Variants in PLA2R1 observed in about 807,000 individuals in gnomAD.
PLA2R1 encodes the protein phospholipase A2 receptor 1.
Under a neutral mutation model 195.9 loss-of-function variants are expected in PLA2R1, and 158 were observed. That is an observed-to-expected ratio of 0.81 (90% CI 0.71 to 0.92). The LOEUF (loss-of-function observed/expected upper bound fraction) is 0.92. Among genes scored for constraint, PLA2R1 ranks in the 40% least tolerant of loss-of-function variants. The pLI, the probability that PLA2R1 is intolerant of heterozygous loss-of-function variation, is 0.00. For missense variants in PLA2R1, 1,626 were observed against 1,764.6 expected, an observed-to-expected ratio of 0.92 and a Z score of 1.41; for synonymous variants, 586 against 598.2, an observed-to-expected ratio of 0.98 and a Z score of 0.30.
At chr2:159,951,666 A>C in intron 23 of PLA2R1, 88 bp from the exon 24 acceptor site, 4 of 723,254 alleles carry the variant, frequency 5.5e-6, no homozygotes. Flanking sequence ...TGTCACTATG[A>C]TCCATGTTGA....
intron 20 of PLA2R1, among the ~76,000 whole-genome samples, chr2:159,957,150 G>A (rs1688145010): frequency 6.6e-6 from 1 of 152,086 alleles, no homozygotes; most frequent in Non-Finnish European, 1.5e-5. Flanking sequence ...CTATTGGGAA[G>A]AGCCAGAGAA....
At chr2:159,985,671 T>C (rs1435670614) in intron 12 of PLA2R1, among the ~76,000 whole-genome samples, 1 of 152,218 alleles carries the variant, frequency 6.6e-6, no homozygotes, top group Non-Finnish European at 1.5e-5. Context: ...TTAGTAATAT[T>C]GTATCATTCA....
At chr2:160,036,316 G>T (rs983554529) in intron 3 of PLA2R1, among the ~76,000 whole-genome samples, 2 of 152,168 alleles carry the variant, frequency 1.3e-5, no homozygotes, top group East Asian at 3.8e-4. Context: ...CAGAAACATG[G>T]AGTCTGAATT....
At chr2:160,020,323 C>G in intron 7 of PLA2R1, 60 bp from the exon 8 acceptor site, 1 of 1,086,280 alleles carries the variant, frequency 9.2e-7, no homozygotes. Flanking sequence ...GAGATAACAC[C>G]CTGGAGTTAT....
chr2:159,943,676 C>T (rs1411745997), intron 28 of PLA2R1, among the ~76,000 whole-genome samples: 2 of 152,180 alleles, frequency 1.3e-5, no homozygotes, highest in East Asian at 3.8e-4. Context: ...AAGGATGAAA[C>T]AGGTGTCATC....
chr2:159,944,805 C>T, intron 28 of PLA2R1, 101 bp downstream of exon 28: 3 of 820,502 alleles, frequency 3.7e-6, no homozygotes, highest in Non-Finnish European at 4.0e-6. Flanking sequence ...TATCTGAATA[C>T]TCTCTCAACT....
chr2:160,007,533 C>T (rs936657896), intron 10 of PLA2R1, among the ~76,000 whole-genome samples: 1 of 152,362 alleles, frequency 6.6e-6, no homozygotes, highest in Admixed American at 6.5e-5. Context: ...CACCGACAGG[C>T]ACTGGCAGAT....
chr2:159,945,272 T>C (rs1396026817), intron 27 of PLA2R1, among the ~76,000 whole-genome samples, 190 bp from the exon 28 acceptor site: 1 of 152,184 alleles, frequency 6.6e-6, no homozygotes, highest in Non-Finnish European at 1.5e-5. Context: ...TATGTATACA[T>C]GTGACATGCT....
At chr2:159,993,864 G>C (rs1201540042) in intron 11 of PLA2R1, among the ~76,000 whole-genome samples, 1 of 152,070 alleles carries the variant, frequency 6.6e-6, no homozygotes, top group Non-Finnish European at 1.5e-5. Flanking sequence ...ACAGATGAAG[G>C]ATGCTAATGC....
chr2:159,986,992 T>C (rs1411122200), intron 12 of PLA2R1, among the ~76,000 whole-genome samples, 164 bp downstream of exon 12: 3 of 152,086 alleles, frequency 2.0e-5, no homozygotes, highest in South Asian at 2.1e-4. Flanking sequence ...TGGAATATGA[T>C]TGAAAGGATA....
At chr2:159,966,378 GGGTTCAGA>G (rs1490978550) in intron 20 of PLA2R1, among the ~76,000 whole-genome samples, 1 of 152,152 alleles carries the variant, frequency 6.6e-6, no homozygotes, top group Non-Finnish European at 1.5e-5. Flanking sequence ...AGTTGCCAAG[GGGTTCAGA>G]GTAGGAAGAA....
intron 1 of PLA2R1, among the ~76,000 whole-genome samples, chr2:160,050,840 A>C (rs946628333): frequency 6.6e-6 from 1 of 152,160 alleles, no homozygotes; most frequent in East Asian, 1.9e-4. Context: ...TTACAGTTTG[A>C]TCTGTCTGTG....
chr2:159,979,730 C>T (rs1271174721), intron 14 of PLA2R1, 100 bp downstream of exon 14: 2 of 634,438 alleles, frequency 3.2e-6, no homozygotes, highest in Non-Finnish European at 5.7e-6. Context: ...GTCATGGGAG[C>T]TCTGGCCATC....
rs139369442 is a variant in PLA2R1, at chr2:160,036,655, G to T, written c.668-3523C>A. Among the ~76,000 whole-genome samples the T allele has an allele frequency of 4.6e-3, 700 of 152,332 alleles. 3 individuals carry two copies. The highest frequency in any genetic ancestry group is 0.016 in the African/African-American group (655 of 41,568). On this transcript the variant is annotated intron_variant, in intron 3 of 29. Coordinates refer to ENST00000283243, the MANE Select transcript of PLA2R1 (RefSeq NM_007366.5). Reference sequence around the variant, plus strand: ...AAGGTCCTCTTCAGGTGCCTCTGCTGAGGCTGGGATGGAGTGGGAAGGAGG... The same window carrying T: ...AAGGTCCTCTTCAGGTGCCTCTGCTTAGGCTGGGATGGAGTGGGAAGGAGG...
Position 159,935,155 on chromosome 2 carries a change from T to C in PLA2R1, c.*6623A>G, listed in dbSNP as rs572727340. ...CATACCAGGGGGTACATGATGCTGA[T>C]GTGGCTTATTACTGCTTCTGTTAAC... On this transcript the variant is annotated 3_prime_UTR_variant, in exon 30 of 30. Transcript: ENST00000283243. 2.0e-5 allele frequency: 3 copies of C among 152,364 alleles called. No homozygotes were observed. In the South Asian group the frequency reaches 6.2e-4, roughly 32 times the overall value. The allele number at this position is 152,364 out of a possible 1,614,324, so 9.4% of individuals were successfully genotyped here.
In PLA2R1 at chr2:160,025,588, C is replaced by CAAA. The variant is rs56365741; in HGVS notation, c.1099+2627_1099+2629dup. Among the ~76,000 whole-genome samples the CAAA allele has an allele frequency of 7.5e-3, 395 of 52,840 alleles. 10 individuals are homozygous for CAAA. Among genetic ancestry groups the CAAA allele is most frequent in the African/African-American group, 0.014 (163 of 11,416 alleles). 34.7% of individuals were successfully genotyped at this position (52,840 alleles called of 152,430 possible). ...TGTAAGCCACATGGTAACCATAAAGCAAAAAAAAAAAAAAAAAAAAAACTA... is the reference window on the plus strand; with the variant it reads ...TGTAAGCCACATGGTAACCATAAAGCAAAAAAAAAAAAAAAAAAAAAAAAACTA... On this transcript the variant is annotated intron_variant, in intron 6 of 29. Coordinates refer to ENST00000283243, the MANE Select transcript of PLA2R1 (RefSeq NM_007366.5).
At chr2:159,942,052 A>G in intron 29 of PLA2R1, 60 bp from the exon 30 acceptor site, 1 of 1,552,760 alleles carries the variant, frequency 6.4e-7, no homozygotes, top group South Asian at 1.1e-5. Context: ...AGTAATATAG[A>G]TACTGTCATA....
chr2:159,998,899 A>G (rs1230004166), intron 11 of PLA2R1, among the ~76,000 whole-genome samples: 2 of 152,090 alleles, frequency 1.3e-5, no homozygotes, highest in Non-Finnish European at 2.9e-5. Context: ...TCTTTATTTT[A>G]TACTTCTTAC....
rs1041776333 is a variant in PLA2R1, at chr2:160,010,872, G to C, written c.1664+2391C>G. Reference sequence around the variant, plus strand: ...CTGCTTTGAATGTAGACATGTTTTGGGGGTAGCATAAGTATATGTTAACTG... The same window carrying C: ...CTGCTTTGAATGTAGACATGTTTTGCGGGTAGCATAAGTATATGTTAACTG... On this transcript the variant is annotated intron_variant, in intron 10 of 29. Coordinates refer to ENST00000283243, the MANE Select transcript of PLA2R1 (RefSeq NM_007366.5). Among the ~76,000 whole-genome samples, 4 of 152,248 alleles carry C rather than the reference G, an allele frequency of 2.6e-5. No homozygotes were observed. The East Asian group carries it at 7.7e-4, about 29-fold the overall frequency.
Sources: allele counts gnomAD v4.1 joint callset (sites outside exome capture counted in the v4.1 genomes callset), GRCh38; gene constraint gnomAD v4.1.1; transcripts MANE v1.5; gene names NCBI Gene and HGNC (gene_info 2026-07-23, HGNC 2026-07-21).